Variants in AHCYL2 observed in about 807,000 individuals in gnomAD.
AHCYL2 encodes S-adenosylhomocysteine hydrolase-like protein 2.
A neutral mutation model predicts 81.4 loss-of-function variants in AHCYL2; 28 were observed. The observed-to-expected ratio is 0.34, with a 90% CI of 0.25 to 0.47. The LOEUF is 0.47. Ranked by LOEUF, AHCYL2 falls within the 20% of genes least tolerant of loss-of-function variation. The pLI, the probability that AHCYL2 is intolerant of heterozygous loss-of-function variation, is 1.00. For synonymous variants in AHCYL2, 272 were observed against 290.2 expected, an observed-to-expected ratio of 0.94 and a Z score of 0.64; for missense variants, 551 against 785.1, an observed-to-expected ratio of 0.70 and a Z score of 3.56.
chr7:129,352,515 CTT>C (rs766901209), intron 1 of AHCYL2, among the ~76,000 whole-genome samples: 4 of 152,106 alleles, frequency 2.6e-5, no homozygotes, highest in Non-Finnish European at 5.9e-5. Flanking sequence ...TCCCACAAAA[CTT>C]TCTCTCTTTC....
At chr7:129,323,189 T>G (rs918868778) in intron 1 of AHCYL2, among the ~76,000 whole-genome samples, 11 of 152,158 alleles carry the variant, frequency 7.2e-5, no homozygotes, top group African/African-American at 2.7e-4. Context: ...TATCTGAGAC[T>G]TTTCTTCTTT....
rs1277637077 is a variant in AHCYL2, at chr7:129,410,270, T to C, written c.1366+724T>C. 7 of 1,614,000 alleles carry C rather than the reference T, an allele frequency of 4.3e-6. No homozygotes were observed. In the African/African-American group the frequency reaches 9.3e-5, roughly 22 times the overall value. On this transcript the variant is annotated intron_variant, in intron 11 of 16. Coordinates refer to ENST00000325006, the MANE Select transcript of AHCYL2 (RefSeq NM_015328.4). ...ACTGCCTCCTACAACTTCCACATCTTCCTTCTGTTTCTTACGGGTCTCCAG... is the reference window on the plus strand; with the variant it reads ...ACTGCCTCCTACAACTTCCACATCTCCCTTCTGTTTCTTACGGGTCTCCAG...
intron 1 of AHCYL2, among the ~76,000 whole-genome samples, chr7:129,248,084 A>G (rs67820265): frequency 0.25 from 38,217 of 152,176 alleles, 4,911 homozygotes; most frequent in East Asian, 0.4. Context: ...TCCCAGCACC[A>G]TTAGTTGAAA....
At position 129,287,123 on chromosome 7, in the gene AHCYL2, T is replaced by C. The variant is rs1356775174; in HGVS notation, c.363+61684T>C. Among the ~76,000 whole-genome samples the C allele has an allele frequency of 3.9e-5, 6 of 152,350 alleles. No homozygotes were observed. The East Asian group carries it at 9.6e-4, about 24-fold the overall frequency. ...TAAAAAACTGTTGGATTCTCGTATC[T>C]GCTTTTGCCTTATCTGATGTGTTGC... On this transcript the variant is annotated intron_variant, in intron 1 of 16. Transcript: ENST00000325006.
chr7:129,240,985 T>C (rs1047522274), intron 1 of AHCYL2, among the ~76,000 whole-genome samples: 3 of 152,166 alleles, frequency 2.0e-5, no homozygotes, highest in African/African-American at 7.2e-5. Flanking sequence ...AGTTGTAAAT[T>C]AAATGATTTT....
intron 13 of AHCYL2, among the ~76,000 whole-genome samples, chr7:129,424,090 G>A (rs1314413593): frequency 2.0e-5 from 3 of 152,016 alleles, no homozygotes; most frequent in Admixed American, 2.0e-4. Context: ...GGCATTGGGG[G>A]CAATTTCTAG....
intron 2 of AHCYL2, among the ~76,000 whole-genome samples, chr7:129,383,838 G>C (rs781676978): frequency 8.5e-5 from 13 of 152,158 alleles, no homozygotes; most frequent in Admixed American, 3.9e-4. Context: ...TGCATTGCTG[G>C]CTACCTTACC....
chr7:129,314,790 G>A (rs1229952266), intron 1 of AHCYL2, among the ~76,000 whole-genome samples: 1 of 152,152 alleles, frequency 6.6e-6, no homozygotes, highest in African/African-American at 2.4e-5. Flanking sequence ...AATAGAGAAC[G>A]TAAGCTGTCT....
intron 12 of AHCYL2, 132 bp from the exon 13 acceptor site, chr7:129,422,708 G>A: frequency 2.8e-6 from 2 of 709,008 alleles, no homozygotes; most frequent in Non-Finnish European, 4.9e-6. Context: ...ACCAACACAG[G>A]ACAGGTATTC....
At chr7:129,228,527 C>G (rs1377754788) in intron 1 of AHCYL2, among the ~76,000 whole-genome samples, 1 of 152,144 alleles carries the variant, frequency 6.6e-6, no homozygotes, top group African/African-American at 2.4e-5. Flanking sequence ...GTGAACCCAG[C>G]AAGCCAAAAA....
At chr7:129,420,016 G>A (rs1372356955) in intron 12 of AHCYL2, among the ~76,000 whole-genome samples, 2 of 152,180 alleles carry the variant, frequency 1.3e-5, no homozygotes, top group African/African-American at 4.8e-5. Context: ...GCCTTAATAG[G>A]CAGGTTATTG....
At chr7:129,409,413 T>C in intron 10 of AHCYL2, 63 bp from the exon 11 acceptor site, 7 of 1,272,310 alleles carry the variant, frequency 5.5e-6, no homozygotes, top group Non-Finnish European at 7.9e-6. Flanking sequence ...GCTTTTGAAG[T>C]CCTGTGTTAA....
chr7:129,238,140 C>T (rs763492961), intron 1 of AHCYL2, among the ~76,000 whole-genome samples: 17 of 152,136 alleles, frequency 1.1e-4, no homozygotes, highest in Non-Finnish European at 1.8e-4. Context: ...ACATTAACTG[C>T]GTTAGCTTAA....
At chr7:129,386,854 A>C (rs1795227063) in intron 2 of AHCYL2, among the ~76,000 whole-genome samples, 1 of 152,242 alleles carries the variant, frequency 6.6e-6, no homozygotes, top group African/African-American at 2.4e-5. Context: ...AGGTATAAAA[A>C]AAGATAAACT....
chr7:129,419,898 G>C lies in AHCYL2; in HGVS notation c.1462-2942G>C, dbSNP rs536951915. The stretch of plus-strand genomic sequence containing the variant: ...CCCGGTAGGTTGTTTAGTGATTATA[G>C]GTCCACAGCAAAGACAACTGGATGT... On this transcript the variant is annotated intron_variant, in intron 12 of 16. Transcript: ENST00000325006. The surrounding 1 kb of genome is among the most constrained non-coding windows in gnomAD (Gnocchi z 4.7). 6.6e-6 allele frequency among the ~76,000 whole-genome samples: 1 copy of C among 152,130 alleles called. No individual in the cohort carries two copies. The highest frequency in any genetic ancestry group is 2.4e-5 in the African/African-American group (1 of 41,416).
chr7:129,413,761 C>A, intron 12 of AHCYL2, 73 bp downstream of exon 12: 3 of 1,274,028 alleles, frequency 2.4e-6, no homozygotes, highest in African/African-American at 1.5e-5. Flanking sequence ...AATGAGAGAG[C>A]AGGGTCACAA....
At chr7:129,399,517 T>A (rs2150925705) in intron 5 of AHCYL2, among the ~76,000 whole-genome samples, 1 of 152,132 alleles carries the variant, frequency 6.6e-6, no homozygotes, top group South Asian at 2.1e-4. Context: ...TCAGACTTCA[T>A]TAGGAACATG....
chr7:129,341,953 A>G (rs1029372423), intron 1 of AHCYL2, among the ~76,000 whole-genome samples: 4 of 152,360 alleles, frequency 2.6e-5, no homozygotes, highest in African/African-American at 7.2e-5. Context: ...TAAGTGGTAC[A>G]GGCAGTAATT....
At chr7:129,254,329 T>C (rs953214424) in intron 1 of AHCYL2, among the ~76,000 whole-genome samples, 3 of 151,986 alleles carry the variant, frequency 2.0e-5, no homozygotes, top group African/African-American at 4.9e-5. Context: ...ATTACATTAT[T>C]ATCCTACAAC....
Sources: allele counts gnomAD v4.1 joint callset (sites outside exome capture counted in the v4.1 genomes callset), GRCh38; gene constraint gnomAD v4.1.1; non-coding constraint Gnocchi (gnomAD v3.1); transcripts MANE v1.5; gene names NCBI Gene and HGNC (gene_info 2026-07-23, HGNC 2026-07-21).